The following DEAF1 variants were observed in gnomAD, a reference collection of about 807,000 sequenced individuals.
The protein encoded by DEAF1 is DEAF1 transcription factor, also known as deformed epidermal autoregulatory factor 1 homolog.
In DEAF1, 53 loss-of-function variants were observed where a neutral mutation model predicts 58.9. The observed-to-expected ratio is 0.90, with a 90% CI of 0.72 to 1.13. The LOEUF (loss-of-function observed/expected upper bound fraction) is 1.13. Among genes scored for constraint, DEAF1 ranks in the 50% most tolerant of loss-of-function variants. The pLI is 0.00. For missense variants in DEAF1, 685 were observed against 791.4 expected (o/e 0.87, Z 1.61); for synonymous variants, 385 against 340.4 (o/e 1.13, Z -1.44).
Position 665,474 on chromosome 11 carries a change from G to A in DEAF1, c.1503+9062C>T, listed in dbSNP as rs929733175. The stretch of plus-strand genomic sequence containing the variant: ...TAACTCCTGACATTTTCAGATGCAC[G>A]GGATGTTCACTGCAACAGCTGCTTC... On this transcript the variant is annotated intron_variant, in intron 10 of 11. Transcript: ENST00000382409. 4.6e-5 allele frequency among the ~76,000 whole-genome samples: 7 copies of A among 152,180 alleles called. No individual in the cohort carries two copies. The East Asian group carries it at 5.8e-4, about 13-fold the overall frequency.
intron 10 of DEAF1, among the ~76,000 whole-genome samples, chr11:668,103 ACT>A (rs761951957): frequency 2.6e-5 from 4 of 152,148 alleles, no homozygotes; most frequent in East Asian, 3.9e-4. Context: ...CAAGAGCGAG[ACT>A]CTGTCTCAAA....
At chr11:694,713 G>C in intron 1 of DEAF1, 46 bp downstream of exon 1, 1 of 1,282,518 alleles carries the variant, frequency 7.8e-7, no homozygotes, top group South Asian at 2.4e-5. Context: ...GCGCGGGGTA[G>C]GCGCGCGGGA....
chr11:651,600 T>G (rs965674231), intron 11 of DEAF1, among the ~76,000 whole-genome samples: 8 of 151,582 alleles, frequency 5.3e-5, no homozygotes, highest in African/African-American at 1.9e-4. Flanking sequence ...AACAGATAAT[T>G]CAGCTGGGCA....
intron 1 of DEAF1, among the ~76,000 whole-genome samples, chr11:701,393 CGAG>C (rs1490747555): frequency 2.1e-5 from 3 of 140,454 alleles, no homozygotes; most frequent in African/African-American, 8.0e-5. Context: ...TTGGTAGAGA[CGAG>C]ACAAGGTTTC....
Position 674,523 on chromosome 11 carries a change from G to T in DEAF1, c.1503+13C>A. 1 of 1,614,016 alleles carries T rather than the reference G, an allele frequency of 6.2e-7. No individual in the cohort carries two copies. The highest frequency in any genetic ancestry group is 1.3e-5 in the African/African-American group (1 of 75,044). ...CGGCACAGGTCGTGTCTTCCCATTT[G>T]TTCCAAGGTTACCTCCTTCCGCTCT... On this transcript the variant is annotated intron_variant, in intron 10 of 11. Coordinates refer to ENST00000382409, the MANE Select transcript of DEAF1 (RefSeq NM_021008.4).
chr11:674,909 C>T, intron 9 of DEAF1, 126 bp from the exon 10 acceptor site: 1 of 1,279,730 alleles, frequency 7.8e-7, no homozygotes, highest in Non-Finnish European at 1.1e-6. Flanking sequence ...CTTTGGGAGG[C>T]CAAGGCAGGC....
intron 11 of DEAF1, among the ~76,000 whole-genome samples, chr11:648,686 TAC>T (rs1554934775): frequency 6.6e-6 from 1 of 152,170 alleles, no homozygotes; most frequent in Non-Finnish European, 1.5e-5. Flanking sequence ...GCCTCTGCAG[TAC>T]ACTTTCCCTG....
At chr11:705,884 C>A (rs1017544984) in intron 1 of DEAF1, among the ~76,000 whole-genome samples, 4 of 152,348 alleles carry the variant, frequency 2.6e-5, no homozygotes, top group African/African-American at 9.6e-5. Flanking sequence ...AGGAAGAGCT[C>A]GAGGCCTCGC....
In DEAF1 at chr11:644,573, C is replaced by G. The variant is rs760200310; in HGVS notation, c.1675G>C (p.Val559Leu). 3.1e-6 allele frequency: 5 copies of G among 1,612,920 alleles called. No individual in the cohort carries two copies. Among genetic ancestry groups the G allele is most frequent in the Non-Finnish European group, 4.2e-6 (5 of 1,179,940 alleles). The change falls in exon 12 of 12, where the codon GTG (valine) becomes CTG (leucine). Residue 559 changes from valine (V) to leucine (L), a missense_variant. Physicochemically the swap from Val to Leu is conservative, Grantham distance 32. Transcript: ENST00000382409. The surrounding 1 kb of genome is among the most constrained non-coding windows in gnomAD (Gnocchi z 4.3). ...CCTCACACGGTCACCTTCTCCATCA[C>G]GCTTTCAGCCACGTGGACTTCGTCT... ...QADEVHVAESVMEKVTV is the reference protein window; with the variant it reads ...QADEVHVAESLMEKVTV
intron 1 of DEAF1, chr11:700,547 G>A: frequency 2.5e-6 from 3 of 1,213,308 alleles, no homozygotes; most frequent in South Asian, 2.6e-5. Context: ...AAAAGGAAAA[G>A]GCAAGCTGAG....
intron 7 of DEAF1, 187 bp from the exon 8 acceptor site, chr11:680,003 A>ACCAGGATGG (rs1021187952): frequency 1.0e-5 from 6 of 586,160 alleles, no homozygotes; most frequent in Admixed American, 7.8e-5. Flanking sequence ...ACAGGAGAAA[A>ACCAGGATGG]CCAGGATGGC....
rs1479005456 is a variant in DEAF1 at position 653,060 on chromosome 11, G to C, written c.1593+902C>G. Among the ~76,000 whole-genome samples the C allele has an allele frequency of 4.2e-5, 6 of 143,528 alleles. No homozygotes were observed. The South Asian group carries it at 1.3e-3, about 32-fold the overall frequency. 94.2% of individuals were successfully genotyped at this position (143,528 alleles called of 152,430 possible). On this transcript the variant is annotated intron_variant, in intron 11 of 11. Coordinates refer to ENST00000382409, the MANE Select transcript of DEAF1 (RefSeq NM_021008.4). ...GATCGCACCACTGCACTCCAGCCTGGGTGACAGAATGAGACTCTGTCTCAA... is the reference window on the plus strand; with the variant it reads ...GATCGCACCACTGCACTCCAGCCTGCGTGACAGAATGAGACTCTGTCTCAA...
chr11:645,378 G>A (rs556665054), intron 11 of DEAF1, among the ~76,000 whole-genome samples: 4 of 135,562 alleles, frequency 3.0e-5, no homozygotes, highest in African/African-American at 1.0e-4. Flanking sequence ...AGTGTAACGC[G>A]CAATCTCGGC....
intron 1 of DEAF1, chr11:705,455 G>T: frequency 6.5e-6 from 1 of 153,666 alleles, no homozygotes; most frequent in Non-Finnish European, 1.4e-5. Context: ...GTGGGCAGAG[G>T]TGGGGCCTGG....
chr11:691,639 A>C, intron 1 of DEAF1, 41 bp from the exon 2 acceptor site: 1 of 1,581,426 alleles, frequency 6.3e-7, no homozygotes, highest in Non-Finnish European at 8.7e-7. Flanking sequence ...AACAAAAGCC[A>C]GAATGGACAA....
chr11:700,950 T>C (rs989390687), intron 1 of DEAF1: 10 of 561,468 alleles, frequency 1.8e-5, no homozygotes, highest in Non-Finnish European at 3.2e-5. Context: ...AAGCATGTCT[T>C]GTAGAAGCCA....
In DEAF1 at chr11:668,667, C is replaced by T. The variant is rs571653257; in HGVS notation, c.1503+5869G>A. On this transcript the variant is annotated intron_variant, in intron 10 of 11. Coordinates refer to ENST00000382409, the MANE Select transcript of DEAF1 (RefSeq NM_021008.4). The stretch of plus-strand genomic sequence containing the variant: ...TGAGACCCTCTCTCTATGAAAAATA[C>T]AAAAATTAGCCAAGCATGGTGGCAC... Among the ~76,000 whole-genome samples, 423 of 152,232 alleles carry T rather than the reference C, an allele frequency of 2.8e-3. 1 individual carries two copies. The highest frequency in any genetic ancestry group is 9.9e-3 in the African/African-American group (410 of 41,542).
At position 706,570 on chromosome 11, in the gene DEAF1, A is replaced by ACCTGCCCCGT. The variant is rs1421447708; in HGVS notation, c.-446_-438+1dup. The ACCTGCCCCGT allele has an allele frequency of 6.6e-6, 1 of 152,546 alleles. No individual in the cohort carries two copies. The highest frequency in any genetic ancestry group is 1.9e-4 in the East Asian group (1 of 5,186). 9.4% of individuals were successfully genotyped at this position (152,546 alleles called of 1,614,324 possible). ...TTTTTAAGCCAGCGATGGGTGACTC[A>ACCTGCCCCGT]CCTGCCCCGTCCTGCCCACTCCCAG... is the stretch of plus-strand genomic sequence containing the variant. On this transcript the variant is annotated splice_donor_variant, in intron 1 of 11. Coordinates refer to the DEAF1 transcript ENST00000683307. LOFTEE classifies it low-confidence loss of function (5UTR_SPLICE).
rs1213923994 is a variant in DEAF1 at position 670,405 on chromosome 11, T to A, written c.1503+4131A>T. On this transcript the variant is annotated intron_variant, in intron 10 of 11. Transcript: ENST00000382409. ...AGCTGTTTGTTTGGAAGTATACTTT[T>A]TTTTTTTTTTTTTTAAAGTATTTTT... 2.0e-5 allele frequency among the ~76,000 whole-genome samples: 3 copies of A among 146,846 alleles called. No individual in the cohort carries two copies. The South Asian group carries it at 6.4e-4, about 31-fold the overall frequency.
Sources: allele counts gnomAD v4.1 joint callset (sites outside exome capture counted in the v4.1 genomes callset), GRCh38; gene constraint gnomAD v4.1.1; non-coding constraint Gnocchi (gnomAD v3.1); transcripts MANE v1.5; gene names NCBI Gene and HGNC (gene_info 2026-07-23, HGNC 2026-07-21).